POLQ: variants seen among roughly 807,000 people sequenced by gnomAD.
POLQ encodes DNA polymerase theta, also known as epididymis secretory sperm binding protein.
A neutral mutation model predicts 259.2 loss-of-function variants in POLQ; 233 were observed. The ratio of observed to expected loss-of-function variants is 0.90; its 90% CI spans 0.81 to 1.00. The LOEUF is 1.00. Ranked by LOEUF, POLQ falls within the 50% of genes least tolerant of loss-of-function variation. POLQ has a pLI of 0.00. For synonymous variants in POLQ, 1,025 were observed against 1,048.8 expected (o/e 0.98, Z 0.44); for missense variants, 2,871 against 3,051.6 (o/e 0.94, Z 1.39).
In POLQ at chr3:121,433,017, T is replaced by C. The variant is rs778863249; in HGVS notation, c.7560A>G (p.Arg2520=). The part of the protein sequence containing the change: ...QSDQTGLSRK[R]KLQGMFCPIR... Reference sequence around the variant, plus strand: ...TTGGGCAGAACATCCCTTGCAGTTTTCTCTTTCGTGACAATCCTACTTCAT... The same window carrying C: ...TTGGGCAGAACATCCCTTGCAGTTTCCTCTTTCGTGACAATCCTACTTCAT... Residue 2520 remains arginine, a synonymous_variant, in exon 29 of 30, where the codon AGA becomes AGG. Coordinates refer to ENST00000264233, the MANE Select transcript of POLQ (RefSeq NM_199420.4). 2 of 1,607,736 alleles carry C rather than the reference T, an allele frequency of 1.2e-6. No homozygotes were observed. The highest frequency in any genetic ancestry group is 1.1e-5 in the South Asian group (1 of 90,940).
Position 121,487,803 on chromosome 3 carries a change from T to A in POLQ, c.5128A>T (p.Asn1710Tyr), listed in dbSNP as rs1318048441. Residue 1710 changes from asparagine to tyrosine, a missense_variant, in exon 16 of 30, where the codon AAC becomes TAC. Asn to Tyr is a moderately radical substitution (Grantham distance 143). Around this residue, in one of 3 missense-constraint regions of POLQ, gnomAD observed 2,080 missense variants for 2,126.0 expected, o/e 0.98. Coordinates refer to ENST00000264233, the MANE Select transcript of POLQ (RefSeq NM_199420.4). ...GAGGTTTCATCATGATTGGCATTGT[T>A]TTCTAGCATCTCAATCTTGCTTTTT... Reference protein sequence around the residue: ...EVKSKIEMLENNANHDETSSL... With the variant: ...EVKSKIEMLEYNANHDETSSL... The A allele has an allele frequency of 6.2e-7, 1 of 1,610,204 alleles. No individual in the cohort carries two copies. Among genetic ancestry groups the A allele is most frequent in the East Asian group, 2.2e-5 (1 of 44,856 alleles).
chr3:121,473,441 T>A lies in POLQ; in HGVS notation c.6452A>T (p.Asn2151Ile), dbSNP rs1242213435. 14 of 1,613,760 alleles carry A rather than the reference T, an allele frequency of 8.7e-6. No homozygotes were observed. The highest frequency in any genetic ancestry group is 1.0e-5 in the Non-Finnish European group (12 of 1,179,702). Residue 2151 changes from asparagine (N) to isoleucine (I), a missense_variant, in exon 21 of 30, where the codon AAC becomes ATC. Coordinates refer to ENST00000264233, the MANE Select transcript of POLQ (RefSeq NM_199420.4). ...LKLPPNREMK[N>I]QGSKKTLGST... is the part of the protein sequence containing the mutation. Reference sequence around the variant, plus strand: ...ACCCAGAGTTTTCTTGCTGCCTTGGTTTTTCATCTCTCTATTTGGGGGCAA... The same window carrying A: ...ACCCAGAGTTTTCTTGCTGCCTTGGATTTTCATCTCTCTATTTGGGGGCAA...
At position 121,537,208 on chromosome 3, in the gene POLQ, C is replaced by A; in HGVS notation, c.632G>T (p.Gly211Val). 1 of 1,551,220 alleles carries A rather than the reference C, an allele frequency of 6.4e-7. No homozygotes were observed. Among genetic ancestry groups the A allele is most frequent in the Non-Finnish European group, 8.9e-7 (1 of 1,125,164 alleles). ...ATGTAATTCATCCACAACCACCATTCCTAAAAAGATTTTCCAGATACTAGG... is the reference window on the plus strand; with the variant it reads ...ATGTAATTCATCCACAACCACCATTACTAAAAAGATTTTCCAGATACTAGG... Reference protein sequence around the residue: ...LIEENKMDLLGMVVVDELHML... With the variant: ...LIEENKMDLLVMVVVDELHML... Residue 211 changes from glycine (G) to valine (V), a missense_variant and splice_region_variant, in exon 5 of 30, where the codon GGA becomes GTA. By Grantham distance (109) the Gly-to-Val change is moderately radical. This residue lies in a region of POLQ where 783 missense variants were observed against 906.2 expected (regional missense o/e 0.86). Transcript: ENST00000264233.
At chr3:121,479,907 C>G (rs1038123279) in intron 19 of POLQ, among the ~76,000 whole-genome samples, 2 of 151,772 alleles carry the variant, frequency 1.3e-5, no homozygotes, top group East Asian at 1.9e-4. Context: ...CAAGGAAATA[C>G]AAAACAAAAG....
At chr3:121,543,852 G>A (rs1049214161) in intron 2 of POLQ, among the ~76,000 whole-genome samples, 8 of 151,808 alleles carry the variant, frequency 5.3e-5, no homozygotes, top group African/African-American at 1.9e-4. Flanking sequence ...GCATGGCAGC[G>A]GGCATCTGTA....
chr3:121,436,253 G>T lies in POLQ; in HGVS notation c.7412C>A (p.Thr2471Lys), dbSNP rs1254508521. The change falls in exon 28 of 30, where the codon ACA becomes AAA. Residue 2471 changes from threonine to lysine, a missense_variant. By Grantham distance (78) the Thr-to-Lys change is moderately conservative. Around this residue, in one of 3 missense-constraint regions of POLQ, gnomAD observed 2,080 missense variants for 2,126.0 expected, o/e 0.98. Coordinates refer to ENST00000264233, the MANE Select transcript of POLQ (RefSeq NM_199420.4). ...KAHAERQAINTIVQGSAADIV... is the reference protein window; with the variant it reads ...KAHAERQAINKIVQGSAADIV... ...ATCAGCTGCTGATCCTTGGACTATT[G>T]TGTTGATAGCTTGACGCTCAGCCTA... 6.2e-7 allele frequency: 1 copy of T among 1,613,834 alleles called. No individual in the cohort carries two copies. Among genetic ancestry groups the T allele is most frequent in the Non-Finnish European group, 8.5e-7 (1 of 1,179,786 alleles).
chr3:121,432,123 G>A lies in POLQ; in HGVS notation c.*181C>T, dbSNP rs2047498471. 2 of 482,128 alleles carry A rather than the reference G, an allele frequency of 4.1e-6. No homozygotes were observed. Among genetic ancestry groups the A allele is most frequent in the Non-Finnish European group, 3.5e-6 (1 of 282,480 alleles). 29.9% of individuals were successfully genotyped at this position (482,128 alleles called of 1,614,324 possible). A position where few individuals can be genotyped will look rare whatever the true frequency, so the allele number is the denominator to read the frequency against. On this transcript the variant is annotated 3_prime_UTR_variant, in exon 30 of 30. Coordinates refer to ENST00000264233, the MANE Select transcript of POLQ (RefSeq NM_199420.4). ...GTATTCTACTTCCCCCACGCCCCCAGAAGTTTTTGATGCTATAGACACTGA... is the reference window on the plus strand; with the variant it reads ...GTATTCTACTTCCCCCACGCCCCCAAAAGTTTTTGATGCTATAGACACTGA...
intron 20 of POLQ, among the ~76,000 whole-genome samples, chr3:121,476,156 G>A (rs985863943): frequency 6.6e-6 from 1 of 152,050 alleles, no homozygotes; most frequent in African/African-American, 2.4e-5. Context: ...ATAGAAAGAT[G>A]TTAGGGCAAG....
At chr3:121,521,375 T>C (rs914870121) in intron 8 of POLQ, among the ~76,000 whole-genome samples, 1 of 152,152 alleles carries the variant, frequency 6.6e-6, no homozygotes, top group African/African-American at 2.4e-5. Context: ...AGGACTACTA[T>C]ATACCATATA....
chr3:121,487,175 A>G, intron 16 of POLQ, 127 bp downstream of exon 16: 2 of 575,612 alleles, frequency 3.5e-6, no homozygotes, highest in Non-Finnish European at 5.9e-6. Flanking sequence ...ACATAAATCC[A>G]CAGAGGAGAT....
At chr3:121,498,724 A>C in intron 12 of POLQ, 54 bp from the exon 13 acceptor site, 2 of 1,226,618 alleles carry the variant, frequency 1.6e-6, no homozygotes, top group Non-Finnish European at 2.3e-6. Flanking sequence ...ACAAAAAACC[A>C]TTATATACAA....
intron 25 of POLQ, among the ~76,000 whole-genome samples, chr3:121,451,144 C>A (rs2047671968): frequency 6.6e-6 from 1 of 152,208 alleles, no homozygotes; most frequent in Non-Finnish European, 1.5e-5. Context: ...TCCATCAGGT[C>A]ATTTAAGGAC....
At chr3:121,526,634 T>C (rs939235713) in intron 7 of POLQ, among the ~76,000 whole-genome samples, 1 of 152,178 alleles carries the variant, frequency 6.6e-6, no homozygotes, top group Non-Finnish European at 1.5e-5. Context: ...GCATCTCCTG[T>C]TATCTTGACA....
intron 26 of POLQ, among the ~76,000 whole-genome samples, chr3:121,441,107 A>G (rs2047588260): frequency 6.6e-6 from 1 of 152,180 alleles, no homozygotes; most frequent in Non-Finnish European, 1.5e-5. Flanking sequence ...CTGGACTCTC[A>G]TCTTTTTCTG....
At chr3:121,450,908 G>A (rs1005319074) in intron 25 of POLQ, among the ~76,000 whole-genome samples, 11 of 151,972 alleles carry the variant, frequency 7.2e-5, no homozygotes, top group Non-Finnish European at 1.2e-4. Flanking sequence ...CCATTCTCCC[G>A]GTCACTTTCA....
Position 121,520,007 on chromosome 3 carries a change from A to T in POLQ, c.1332T>A (p.Ser444=). 1 of 1,613,556 alleles carries T rather than the reference A, an allele frequency of 6.2e-7. No homozygotes were observed. The highest frequency in any genetic ancestry group is 8.5e-7 in the Non-Finnish European group (1 of 1,179,458). Residue 444 remains serine (S), a synonymous_variant, in exon 9 of 30, where the codon TCT becomes TCA. Coordinates refer to ENST00000264233, the MANE Select transcript of POLQ (RefSeq NM_199420.4). ...QGLIRVLAAT[S]TLSSGVNLPA... is the part of the protein sequence containing the mutation. ...GTAAATTCACCCCAGAAGAAAGAGTAGAAGTTGCCGCCAAGACCCGAATGA... is the reference window on the plus strand; with the variant it reads ...GTAAATTCACCCCAGAAGAAAGAGTTGAAGTTGCCGCCAAGACCCGAATGA...
intron 8 of POLQ, among the ~76,000 whole-genome samples, chr3:121,520,505 C>T (rs2108812688): frequency 6.6e-6 from 1 of 152,280 alleles, no homozygotes; most frequent in East Asian, 1.9e-4. Flanking sequence ...CACTGCACTC[C>T]AGCCTGGGCA....
intron 27 of POLQ, among the ~76,000 whole-genome samples, chr3:121,438,135 A>G (rs1056049193): frequency 6.6e-6 from 1 of 152,218 alleles, no homozygotes; most frequent in African/African-American, 2.4e-5. Flanking sequence ...TTTTCAGTAC[A>G]ACAAAAGTTT....
chr3:121,533,916 T>C (rs2048430383), intron 5 of POLQ, among the ~76,000 whole-genome samples: 1 of 149,920 alleles, frequency 6.7e-6, no homozygotes, highest in South Asian at 2.2e-4. Context: ...TTTTTTTTTT[T>C]TTTTTGAGAC....
Sources: allele counts gnomAD v4.1 joint callset (sites outside exome capture counted in the v4.1 genomes callset), GRCh38; gene constraint gnomAD v4.1.1; regional missense constraint gnomAD v4.1.1; transcripts MANE v1.5; gene names NCBI Gene and HGNC (gene_info 2026-07-23, HGNC 2026-07-21).